The following SORCS1 variants were observed in gnomAD, a reference collection of about 807,000 sequenced individuals.
SORCS1 encodes the protein sortilin related VPS10 domain containing receptor 1, also known as VPS10 domain-containing receptor SorCS1.
In SORCS1, 60 loss-of-function variants were observed where a neutral mutation model predicts 146.1. The ratio of observed to expected loss-of-function variants is 0.41; its 90% CI spans 0.33 to 0.51. The LOEUF (loss-of-function observed/expected upper bound fraction) is 0.51, where lower values mean the gene tolerates loss of function less well. SORCS1 is among the 20% of genes least tolerant of loss of function. The probability of loss-of-function intolerance (pLI) is 0.21; values close to 1 mark genes in which losing one functional copy is unlikely to be tolerated. For synonymous variants in SORCS1, 637 were observed against 584.0 expected, an observed-to-expected ratio of 1.09 and a Z score of -1.31; for missense variants, 1,352 against 1,487.6, an observed-to-expected ratio of 0.91 and a Z score of 1.50.
intron 1 of SORCS1, among the ~76,000 whole-genome samples, chr10:106,991,126 T>A (rs993501034): frequency 6.6e-6 from 1 of 152,236 alleles, no homozygotes. Flanking sequence ...AGGTACAGCA[T>A]AGAACTTTAT....
At chr10:106,588,662 C>T (rs945548888) in intron 24 of SORCS1, among the ~76,000 whole-genome samples, 10 of 151,780 alleles carry the variant, frequency 6.6e-5, no homozygotes, top group Non-Finnish European at 1.5e-4. Flanking sequence ...GAGATCGAGA[C>T]CATCCTGGCC....
chr10:106,833,633 C>T (rs1948659809), intron 2 of SORCS1, among the ~76,000 whole-genome samples: 1 of 152,156 alleles, frequency 6.6e-6, no homozygotes, highest in Admixed American at 6.5e-5. Context: ...AGGCCTGGCA[C>T]AGCAGAGATC....
At chr10:107,057,624 T>C (rs1960772959) in intron 1 of SORCS1, among the ~76,000 whole-genome samples, 1 of 152,190 alleles carries the variant, frequency 6.6e-6, no homozygotes, top group African/African-American at 2.4e-5. Context: ...TCCTTTTCTC[T>C]CCCTCTTTCC....
chr10:106,723,388 C>T (rs148415632), intron 6 of SORCS1, among the ~76,000 whole-genome samples: 13 of 93,386 alleles, frequency 1.4e-4, no homozygotes, highest in Non-Finnish European at 3.2e-4. Context: ...TACTGGGCTC[C>T]TACGATGCAC....
intron 2 of SORCS1, among the ~76,000 whole-genome samples, chr10:106,955,002 C>A (rs1017406474): frequency 9.8e-5 from 15 of 152,346 alleles, no homozygotes; most frequent in African/African-American, 3.6e-4. Flanking sequence ...GGCAGCTGCC[C>A]CACACAACGG....
intron 1 of SORCS1, among the ~76,000 whole-genome samples, chr10:107,099,817 T>C (rs1349218473): frequency 2.6e-5 from 4 of 152,264 alleles, no homozygotes; most frequent in Non-Finnish European, 5.9e-5. Context: ...GTGCCTACTA[T>C]GTGCCAGGCA....
chr10:106,704,689 C>T (rs1854386718), intron 8 of SORCS1, among the ~76,000 whole-genome samples: 1 of 152,058 alleles, frequency 6.6e-6, no homozygotes, highest in Non-Finnish European at 1.5e-5. Flanking sequence ...GATTGTGTCT[C>T]AAAAACAAAA....
chr10:107,014,121 G>A (rs994641335), intron 1 of SORCS1, among the ~76,000 whole-genome samples: 8 of 151,952 alleles, frequency 5.3e-5, no homozygotes, highest in Non-Finnish European at 8.8e-5. Flanking sequence ...GTGTGGTGGC[G>A]CATGCCTGTA....
intron 2 of SORCS1, among the ~76,000 whole-genome samples, chr10:106,890,651 A>G (rs1951192511): frequency 6.6e-6 from 1 of 152,088 alleles, no homozygotes. Flanking sequence ...AACACAAGGG[A>G]CTCGTCTCAA....
chr10:106,839,853 T>C (rs562374316), intron 2 of SORCS1, among the ~76,000 whole-genome samples: 3 of 152,340 alleles, frequency 2.0e-5, no homozygotes, highest in Admixed American at 6.5e-5. Flanking sequence ...TTGTGCTCTA[T>C]ACATGCAGCA....
chr10:106,627,361 T>C (rs757892403), intron 19 of SORCS1, among the ~76,000 whole-genome samples: 11 of 152,170 alleles, frequency 7.2e-5, no homozygotes, highest in Non-Finnish European at 1.5e-4. Context: ...GGAACACAAT[T>C]ATAATTTGTA....
intron 5 of SORCS1, among the ~76,000 whole-genome samples, chr10:106,732,903 G>A (rs1856699215): frequency 6.6e-6 from 1 of 152,000 alleles, no homozygotes; most frequent in Non-Finnish European, 1.5e-5. Context: ...GGCGGATAAT[G>A]AGGTCAAGAG....
intron 1 of SORCS1, 30 bp downstream of exon 1, chr10:107,163,939 C>T (rs753294789): frequency 1.3e-6 from 2 of 1,589,176 alleles, no homozygotes; most frequent in African/African-American, 1.3e-5. Flanking sequence ...CATCTTTCCA[C>T]CCCTTTACCC....
intron 17 of SORCS1, among the ~76,000 whole-genome samples, chr10:106,663,748 C>A (rs551706539): frequency 6.6e-6 from 1 of 152,300 alleles, no homozygotes; most frequent in African/African-American, 2.4e-5. Context: ...TGGTGTGAGG[C>A]CTTCTTTGTA....
At chr10:107,035,262 C>CAAAAAAAAAAAAAAA (rs201009614) in intron 1 of SORCS1, among the ~76,000 whole-genome samples, 1 of 28,362 alleles carries the variant, frequency 3.5e-5, no homozygotes, top group Non-Finnish European at 7.5e-5. Flanking sequence ...AGTGAAGCTT[C>CAAAAAAAAAAAAAAA]AAAAAAAAAA....
intron 2 of SORCS1, among the ~76,000 whole-genome samples, chr10:106,898,647 T>G (rs1951581519): frequency 6.6e-6 from 1 of 152,178 alleles, no homozygotes; most frequent in African/African-American, 2.4e-5. Flanking sequence ...GTGGTGTGGC[T>G]GACAGCAGCT....
intron 1 of SORCS1, among the ~76,000 whole-genome samples, chr10:106,980,878 GTCA>G (rs1270784703): frequency 1.3e-5 from 2 of 152,070 alleles, no homozygotes; most frequent in Non-Finnish European, 2.9e-5. Context: ...CTGTTAACAG[GTCA>G]TCAATTCTTC....
chr10:107,156,186 A>T (rs1322076808), intron 1 of SORCS1, among the ~76,000 whole-genome samples: 1 of 152,216 alleles, frequency 6.6e-6, no homozygotes, highest in Non-Finnish European at 1.5e-5. Flanking sequence ...GTTCTTTCCA[A>T]AGAAACTCAG....
chr10:106,738,583 A>G (rs4918248), intron 5 of SORCS1, among the ~76,000 whole-genome samples: 144,760 of 152,262 alleles, frequency 0.95, 69,003 homozygotes, highest in Non-Finnish European at 0.99. Context: ...GCGTGGGGCC[A>G]GAGGGGCCAC....
Sources: gnomAD v4.1 joint callset for allele counts (sites outside exome capture counted in the v4.1 genomes callset) on GRCh38, gnomAD v4.1.1 for gene constraint, MANE v1.5 for transcripts, NCBI Gene and HGNC (gene_info 2026-07-23, HGNC 2026-07-21) for gene names.